The following KCNN3 variants were observed in gnomAD, a reference collection of about 807,000 sequenced individuals.
The protein encoded by KCNN3 is small conductance calcium-activated potassium channel protein 3.
KCNN3 carries 16 observed loss-of-function variants against 62.9 expected under a neutral mutation model. The ratio of observed to expected loss-of-function variants is 0.25; its 90% CI spans 0.17 to 0.39. The LOEUF is 0.39. Among genes scored for constraint, KCNN3 ranks in the 10% least tolerant of loss-of-function variants. The pLI is 1.00. For synonymous variants in KCNN3, 370 were observed against 389.2 expected, an observed-to-expected ratio of 0.95 and a Z score of 0.58; for missense variants, 599 against 949.4, an observed-to-expected ratio of 0.63 and a Z score of 4.85.
chr1:154,769,330 T>C (rs1208205718), intron 3 of KCNN3, among the ~76,000 whole-genome samples: 1 of 152,206 alleles, frequency 6.6e-6, no homozygotes, highest in Non-Finnish European at 1.5e-5. Flanking sequence ...TTTGGTCAAA[T>C]GGCCTTTTCG....
intron 5 of KCNN3, among the ~76,000 whole-genome samples, chr1:154,720,778 C>T (rs114540172): frequency 1.2e-4 from 19 of 152,226 alleles, no homozygotes; most frequent in Admixed American, 5.2e-4. Context: ...GGGTAAGGGA[C>T]GCCGAAGTGA....
In KCNN3 at chr1:154,704,318, G is replaced by A. The variant is rs998027773; in HGVS notation, c.*3658C>T. ...TAGAGACATGATGTCATGAAGTTAC[G>A]TATTAGGAAGATGGCAAGAGCAGTT... On this transcript the variant is annotated 3_prime_UTR_variant, in exon 8 of 8. Coordinates refer to ENST00000271915, the MANE Select transcript of KCNN3 (RefSeq NM_002249.6). The A allele has an allele frequency of 3.3e-5, 5 of 152,202 alleles. No homozygotes were observed. The highest frequency in any genetic ancestry group is 1.9e-4 in the East Asian group (1 of 5,200). The allele number at this position is 152,202 out of a possible 1,614,324, so 9.4% of individuals were successfully genotyped here.
intron 2 of KCNN3, among the ~76,000 whole-genome samples, chr1:154,775,146 T>A (rs1195091014): frequency 1.3e-5 from 2 of 152,210 alleles, no homozygotes; most frequent in Non-Finnish European, 1.5e-5. Flanking sequence ...AGGAAGCTTC[T>A]GCTCTGCTTC....
At chr1:154,848,230 A>G (rs1652159271) in intron 1 of KCNN3, among the ~76,000 whole-genome samples, 1 of 152,112 alleles carries the variant, frequency 6.6e-6, no homozygotes, top group Non-Finnish European at 1.5e-5. Context: ...GAGCAGAGCA[A>G]TGTGGCGAGT....
intron 3 of KCNN3, among the ~76,000 whole-genome samples, chr1:154,755,527 GAA>G (rs1465748293): frequency 4.3e-5 from 4 of 93,574 alleles, no homozygotes; most frequent in Non-Finnish European, 8.6e-5. Context: ...AAGAAAGAAA[GAA>G]GAAGAAAGGA....
At chr1:154,867,303 C>T (rs1230511043) in intron 1 of KCNN3, among the ~76,000 whole-genome samples, 1 of 152,208 alleles carries the variant, frequency 6.6e-6, no homozygotes, top group Non-Finnish European at 1.5e-5. Flanking sequence ...CAGGGAATGA[C>T]TAAGTGAGCT....
intron 5 of KCNN3, among the ~76,000 whole-genome samples, chr1:154,715,398 A>G (rs1041495706): frequency 2.2e-5 from 3 of 138,846 alleles, no homozygotes; most frequent in African/African-American, 8.0e-5. Flanking sequence ...ATCACGCCAT[A>G]CTCCAGCCTT....
At chr1:154,715,433 CAAAAAAAAAAAA>C (rs68051927) in intron 5 of KCNN3, among the ~76,000 whole-genome samples, 1 of 104,054 alleles carries the variant, frequency 9.6e-6, no homozygotes, top group African/African-American at 4.0e-5. Flanking sequence ...AACTCCATCT[CAAAAAAAAAAAA>C]AAAAAGGAAA....
intron 2 of KCNN3, among the ~76,000 whole-genome samples, chr1:154,781,504 G>A (rs1649049700): frequency 6.6e-6 from 1 of 152,230 alleles, no homozygotes; most frequent in Admixed American, 6.5e-5. Context: ...TGAAAGGGTA[G>A]AGAAGAACAT....
chr1:154,726,009 G>A lies in KCNN3; in HGVS notation c.1608C>T (p.Ala536=). The change falls in exon 5 of 8, where the codon GCC becomes GCT. Residue 536 remains alanine (A), a synonymous_variant. Transcript: ENST00000271915. ...LTGIMGAGCT[A]LVVAVVARKL... is the part of the protein sequence containing the mutation. ...TTCGGGCCACCACGGCCACCACAAG[G>A]GCAGTGCAGCCTGCACCCTGCGGGG... The A allele has an allele frequency of 3.1e-6, 5 of 1,613,996 alleles. No homozygotes were observed. Among genetic ancestry groups the A allele is most frequent in the Non-Finnish European group, 4.2e-6 (5 of 1,179,910 alleles).
At chr1:154,787,887 C>CT (rs1201891103) in intron 2 of KCNN3, among the ~76,000 whole-genome samples, 1 of 152,200 alleles carries the variant, frequency 6.6e-6, no homozygotes, top group Non-Finnish European at 1.5e-5. Flanking sequence ...ACGCTGGCTG[C>CT]TGGTAGGTAC....
intron 7 of KCNN3, among the ~76,000 whole-genome samples, chr1:154,711,836 T>C (rs1159776606): frequency 1.3e-5 from 2 of 152,092 alleles, no homozygotes; most frequent in African/African-American, 4.8e-5. Flanking sequence ...ATATGTACTC[T>C]CTGAATTGGA....
At chr1:154,780,540 G>T (rs1369766574) in intron 2 of KCNN3, among the ~76,000 whole-genome samples, 1 of 147,050 alleles carries the variant, frequency 6.8e-6, no homozygotes, top group African/African-American at 2.5e-5. Flanking sequence ...AACAAAGCAA[G>T]AAGAAAAAAT....
chr1:154,714,815 G>C (rs1700198916), intron 6 of KCNN3, 61 bp downstream of exon 6: 1 of 1,605,050 alleles, frequency 6.2e-7, no homozygotes, highest in African/African-American at 1.3e-5. Context: ...TGACAGAGTT[G>C]TAGGAGTCCC....
intron 1 of KCNN3, among the ~76,000 whole-genome samples, chr1:154,850,967 TTTTG>T (rs570305322): frequency 1.3e-5 from 2 of 152,054 alleles, no homozygotes; most frequent in African/African-American, 2.4e-5. Context: ...CTTAGCTGAT[TTTTG>T]TTTGTTTGTT....
chr1:154,841,019 C>T (rs1318065733), intron 1 of KCNN3, among the ~76,000 whole-genome samples: 1 of 117,174 alleles, frequency 8.5e-6, no homozygotes, highest in African/African-American at 3.0e-5. Context: ...GCAGGCCTGC[C>T]CCTGCGGGGT....
chr1:154,842,824 C>G (rs1287030960), intron 1 of KCNN3, among the ~76,000 whole-genome samples: 1 of 152,168 alleles, frequency 6.6e-6, no homozygotes, highest in African/African-American at 2.4e-5. Flanking sequence ...TCAACAGAGG[C>G]AGCAAAGCAT....
At chr1:154,752,148 A>T (rs1434391248) in intron 3 of KCNN3, among the ~76,000 whole-genome samples, 2 of 152,120 alleles carry the variant, frequency 1.3e-5, no homozygotes, top group Non-Finnish European at 2.9e-5. Flanking sequence ...GTTGATAAGG[A>T]AGATGATGAC....
In KCNN3 at chr1:154,703,365, G is replaced by A. The variant is rs1699903968; in HGVS notation, c.*4611C>T. 2 of 152,190 alleles carry A rather than the reference G, an allele frequency of 1.3e-5. No homozygotes were observed. The highest frequency in any genetic ancestry group is 2.1e-4 in the South Asian group (1 of 4,820). 9.4% of individuals were successfully genotyped at this position (152,190 alleles called of 1,614,324 possible). ...TCATCAAGCCCACCGACTGCAAGGGGAGAGAAGGGGTTGTTCGTGCCTACT... is the reference window on the plus strand; with the variant it reads ...TCATCAAGCCCACCGACTGCAAGGGAAGAGAAGGGGTTGTTCGTGCCTACT... On this transcript the variant is annotated 3_prime_UTR_variant, in exon 8 of 8. Coordinates refer to ENST00000271915, the MANE Select transcript of KCNN3 (RefSeq NM_002249.6).
Sources: allele counts gnomAD v4.1 joint callset (sites outside exome capture counted in the v4.1 genomes callset), GRCh38; gene constraint gnomAD v4.1.1; transcripts MANE v1.5; gene names NCBI Gene and HGNC (gene_info 2026-07-23, HGNC 2026-07-21).